The following ANXA8 variants were observed in gnomAD, a reference collection of about 807,000 sequenced individuals.
ANXA8 encodes the protein VAC-beta.
In ANXA8, 9 loss-of-function variants were observed where a neutral mutation model predicts 26.8. That is an observed-to-expected ratio of 0.34 (90% confidence interval 0.20 to 0.59). The LOEUF (loss-of-function observed/expected upper bound fraction) is 0.59. Ranked by LOEUF, ANXA8 falls within the 20% of genes least tolerant of loss-of-function variation. The pLI is 0.84. For missense variants in ANXA8, 83 were observed against 238.5 expected, an observed-to-expected ratio of 0.35 and a Z score of 4.29; for synonymous variants, 39 against 94.8, an observed-to-expected ratio of 0.41 and a Z score of 3.42.
intron 7 of ANXA8, 97 bp from the exon 8 acceptor site, chr10:47,474,495 G>A: frequency 1.2e-6 from 1 of 810,264 alleles, no homozygotes; most frequent in Non-Finnish European, 1.9e-6. Flanking sequence ...GCCTGGCCCT[G>A]TCCACTCTGC....
the ANXA8 span, among the ~76,000 whole-genome samples, chr10:47,928,840 G>A: frequency 1.8e-5 from 2 of 108,908 alleles, no homozygotes; most frequent in African/African-American, 3.8e-5. Context: ...ACTGCAACTC[G>A]AACTCCTGGG....
the ANXA8 span, among the ~76,000 whole-genome samples, chr10:47,913,933 CTTTTTTTTTTTT>C: frequency 1.2e-4 from 4 of 32,546 alleles, no homozygotes; most frequent in Admixed American, 7.0e-4. Context: ...TTAGAATCTT[CTTTTTTTTTTTT>C]TTTTTTTTTT....
chr10:47,982,195 TG>T, the ANXA8 span, among the ~76,000 whole-genome samples: 1 of 149,884 alleles, frequency 6.7e-6, no homozygotes, highest in South Asian at 2.1e-4. Context: ...GAGGCCGAGG[TG>T]GGAGGATCAC....
At chr10:47,551,664 A>C in the ANXA8 span, 2 of 188,756 alleles carry the variant, frequency 1.1e-5, no homozygotes, top group African/African-American at 4.7e-5. Context: ...AGACTTGTGA[A>C]TCCAAATGTC....
At chr10:47,560,256 C>A in the ANXA8 span, among the ~76,000 whole-genome samples, 1 of 151,742 alleles carries the variant, frequency 6.6e-6, no homozygotes. Context: ...CTGCTAAATG[C>A]AAGTTAAAAT....
At chr10:47,650,205 C>CA in the ANXA8 span, among the ~76,000 whole-genome samples, 6,140 of 99,614 alleles carry the variant, frequency 0.062, 316 homozygotes, top group African/African-American at 0.19. Flanking sequence ...AAGTCTGTCT[C>CA]AAAAAAAAAA....
chr10:47,901,845 CTT>C, the ANXA8 span, among the ~76,000 whole-genome samples: 20 of 150,986 alleles, frequency 1.3e-4, no homozygotes, highest in Admixed American at 9.9e-4. Flanking sequence ...CAAGAACAAA[CTT>C]GTATTTATTT....
At chr10:47,681,491 C>T in the ANXA8 span, among the ~76,000 whole-genome samples, 10 of 142,886 alleles carry the variant, frequency 7.0e-5, no homozygotes, top group African/African-American at 2.3e-4. Context: ...TTCATGATTA[C>T]TAGTCTTAAA....
At chr10:47,521,979 G>T in the ANXA8 span, among the ~76,000 whole-genome samples, 1 of 150,726 alleles carries the variant, frequency 6.6e-6, no homozygotes, top group Non-Finnish European at 1.5e-5. Context: ...TAGAGACAGC[G>T]TTTCACCATG....
chr10:47,987,106 GACAAGTCCCCCGGTT>G, the ANXA8 span: 1 of 429,878 alleles, frequency 2.3e-6, no homozygotes, highest in East Asian at 3.5e-5. Flanking sequence ...TTTCCCAGGG[GACAAGTCCCCCGGTT>G]AGCTGGGCAC....
chr10:47,580,436 G>A, the ANXA8 span, among the ~76,000 whole-genome samples: 1 of 151,324 alleles, frequency 6.6e-6, no homozygotes, highest in East Asian at 1.9e-4. Flanking sequence ...CATTTTAAAA[G>A]GTCAAAATTA....
chr10:47,698,781 T>C, the ANXA8 span, among the ~76,000 whole-genome samples: 3 of 152,060 alleles, frequency 2.0e-5, no homozygotes, highest in Non-Finnish European at 4.4e-5. Context: ...TGAGCCATGA[T>C]TGTACCACAG....
chr10:47,589,274 G>A, the ANXA8 span: 73 of 147,336 alleles, frequency 5.0e-4, 6 homozygotes, highest in African/African-American at 1.9e-3. Flanking sequence ...GGAGGCCTTT[G>A]CCAGTATTCT....
At chr10:47,985,862 T>A in the ANXA8 span, 1 of 148,512 alleles carries the variant, frequency 6.7e-6, no homozygotes, top group African/African-American at 2.4e-5. Flanking sequence ...ATACCTGACT[T>A]CTTTCATTCA....
At chr10:47,663,763 GAAAT>G in the ANXA8 span, among the ~76,000 whole-genome samples, 1 of 148,048 alleles carries the variant, frequency 6.8e-6, no homozygotes, top group Non-Finnish European at 1.5e-5. Context: ...GTGCTTAAGA[GAAAT>G]AATGCCTTTG....
At chr10:47,487,255 G>A, upstream of ANXA8, 1 of 1,265,110 alleles carries the variant, frequency 7.9e-7, no homozygotes, top group Non-Finnish European at 1.1e-6. Flanking sequence ...ACTGGGGAAG[G>A]GCCGTGGTAG....
chr10:47,766,158 G>C, the ANXA8 span, among the ~76,000 whole-genome samples: 29 of 116,554 alleles, frequency 2.5e-4, no homozygotes, highest in Non-Finnish European at 4.6e-4. Context: ...TCCACCTCCA[G>C]GGCTGAGGCT....
At chr10:47,483,619 A>G (rs1423476756) in intron 1 of ANXA8, among the ~76,000 whole-genome samples, 18,071 of 131,830 alleles carry the variant, frequency 0.14, 621 homozygotes, top group East Asian at 0.41. Flanking sequence ...GAGTGGCCCC[A>G]CCCCTGCAAG....
the ANXA8 span, among the ~76,000 whole-genome samples, chr10:47,625,861 C>T: frequency 1.0e-3 from 152 of 150,830 alleles, 1 homozygote; most frequent in Non-Finnish European, 1.5e-3. Context: ...GTCTTTTGAC[C>T]GACATCTCTG....
Sources: allele counts gnomAD v4.1 joint callset (sites outside exome capture counted in the v4.1 genomes callset), GRCh38; gene constraint gnomAD v4.1.1; transcripts MANE v1.5; gene names NCBI Gene and HGNC (gene_info 2026-07-23, HGNC 2026-07-21).